The following FABP12 variants were observed in gnomAD, a reference collection of about 807,000 sequenced individuals.
FABP12 encodes the protein fatty acid-binding protein 12.
Under a neutral mutation model 13.7 loss-of-function variants are expected in FABP12, and 19 were observed. The observed-to-expected ratio is 1.39, with a 90% CI of 0.97 to 2.04. The LOEUF is 2.04. FABP12 is among the 30% of genes most tolerant of loss of function. The pLI is 0.00. For synonymous variants in FABP12, 61 were observed against 57.0 expected, an observed-to-expected ratio of 1.07 and a Z score of -0.32; for missense variants, 182 against 164.2, an observed-to-expected ratio of 1.11 and a Z score of -0.59.
At chr8:81,544,266 C>T (rs571564234) in intron 1 of FABP12, among the ~76,000 whole-genome samples, 8 of 152,178 alleles carry the variant, frequency 5.3e-5, no homozygotes, top group Non-Finnish European at 1.0e-4. Flanking sequence ...GGAGGGTACT[C>T]TAGACGTTCT....
intron 1 of FABP12, among the ~76,000 whole-genome samples, chr8:81,544,058 T>G (rs947227429): frequency 1.3e-5 from 2 of 152,158 alleles, no homozygotes; most frequent in Non-Finnish European, 2.9e-5. Flanking sequence ...AGTAGGTAAG[T>G]TCACTCTAGG....
chr8:81,564,922 A>T (rs1809789323), intron 1 of FABP12, among the ~76,000 whole-genome samples: 1 of 152,024 alleles, frequency 6.6e-6, no homozygotes, highest in Non-Finnish European at 1.5e-5. Context: ...GGACCCAATG[A>T]TCTATTGCCT....
chr8:81,579,550 G>C (rs1254207968), intron 1 of FABP12, among the ~76,000 whole-genome samples: 1 of 152,072 alleles, frequency 6.6e-6, no homozygotes, highest in Admixed American at 6.6e-5. Context: ...TGTCATTTTG[G>C]TGCAATTAAT....
intron 1 of FABP12, among the ~76,000 whole-genome samples, chr8:81,567,329 C>T (rs2130061824): frequency 6.6e-6 from 1 of 152,192 alleles, no homozygotes; most frequent in South Asian, 2.1e-4. Context: ...TATATGGAAC[C>T]ATAAAAGACT....
chr8:81,569,668 C>A (rs150224579), intron 1 of FABP12, among the ~76,000 whole-genome samples: 154 of 152,330 alleles, frequency 1.0e-3, no homozygotes, highest in African/African-American at 3.7e-3. Context: ...TAAACTATGA[C>A]AGCCCCCTCA....
intron 3 of FABP12, among the ~76,000 whole-genome samples, chr8:81,528,469 T>C (rs1048132872): frequency 2.0e-5 from 3 of 152,208 alleles, no homozygotes; most frequent in African/African-American, 7.2e-5. Context: ...TTTTATATGG[T>C]ACAAGAATTT....
intron 1 of FABP12, among the ~76,000 whole-genome samples, chr8:81,546,332 A>AT (rs1803931601): frequency 6.6e-6 from 1 of 152,142 alleles, no homozygotes; most frequent in Admixed American, 6.5e-5. Context: ...CTGCCTTTTC[A>AT]TTATAGGAAT....
chr8:81,559,372 T>C (rs574320941), intron 1 of FABP12, among the ~76,000 whole-genome samples: 1 of 152,318 alleles, frequency 6.6e-6, no homozygotes, highest in African/African-American at 2.4e-5. Context: ...TTAACAGTGG[T>C]GCCTTGGAAA....
chr8:81,532,642 G>A (rs1809103783), intron 1 of FABP12, among the ~76,000 whole-genome samples: 1 of 152,190 alleles, frequency 6.6e-6, no homozygotes, highest in Non-Finnish European at 1.5e-5. Flanking sequence ...CCAATATGGT[G>A]AAACCCTGTC....
At chr8:81,543,462 A>G (rs1247559077) in intron 1 of FABP12, among the ~76,000 whole-genome samples, 2 of 152,234 alleles carry the variant, frequency 1.3e-5, no homozygotes, top group Non-Finnish European at 2.9e-5. Context: ...CAAAGTGAAG[A>G]TGATGAGCAA....
chr8:81,530,037 G>A (rs535014123), intron 2 of FABP12, among the ~76,000 whole-genome samples: 33 of 152,120 alleles, frequency 2.2e-4, no homozygotes, highest in Admixed American at 3.9e-4. Context: ...CTCTTCACTT[G>A]TATTCTTACA....
At chr8:81,527,605 G>T (rs1808940455) in intron 3 of FABP12, among the ~76,000 whole-genome samples, 1 of 152,082 alleles carries the variant, frequency 6.6e-6, no homozygotes, top group Non-Finnish European at 1.5e-5. Flanking sequence ...CTTGTGATCT[G>T]CCCACATTGG....
At chr8:81,528,624 C>T (rs1465834864) in intron 3 of FABP12, among the ~76,000 whole-genome samples, 1 of 152,074 alleles carries the variant, frequency 6.6e-6, no homozygotes, top group Non-Finnish European at 1.5e-5. Context: ...CATGACCAAG[C>T]ACGGGGTTCT....
upstream of FABP12, among the ~76,000 whole-genome samples, chr8:81,535,200 A>G (rs369999199): frequency 2.6e-5 from 4 of 152,308 alleles, no homozygotes; most frequent in Non-Finnish European, 1.5e-5. Flanking sequence ...AGACTCATGA[A>G]TTAAATGGTG....
intron 1 of FABP12, among the ~76,000 whole-genome samples, chr8:81,559,127 C>A (rs1274971582): frequency 1.3e-5 from 2 of 152,150 alleles, no homozygotes; most frequent in Admixed American, 1.3e-4. Flanking sequence ...AGTCTTATCC[C>A]AAATTTCACC....
intron 1 of FABP12, among the ~76,000 whole-genome samples, chr8:81,564,599 T>C (rs997875621): frequency 2.0e-5 from 3 of 152,122 alleles, no homozygotes; most frequent in African/African-American, 4.8e-5. Flanking sequence ...GTTTATGCAA[T>C]TGGCCCTAAG....
chr8:81,537,720 G>A (rs1404017035), upstream of FABP12, among the ~76,000 whole-genome samples: 1 of 152,144 alleles, frequency 6.6e-6, no homozygotes, highest in Non-Finnish European at 1.5e-5. Context: ...ATGAGGCTCA[G>A]GGTGTTTCTG....
At chr8:81,567,979 C>T (rs1038391668) in intron 1 of FABP12, among the ~76,000 whole-genome samples, 2 of 151,990 alleles carry the variant, frequency 1.3e-5, no homozygotes, top group East Asian at 1.9e-4. Context: ...AAAAATTAGC[C>T]GGGCGCGGTG....
At chr8:81,537,555 G>T (rs2129976513), upstream of FABP12, among the ~76,000 whole-genome samples, 1 of 152,238 alleles carries the variant, frequency 6.6e-6, no homozygotes, top group East Asian at 1.9e-4. Flanking sequence ...AAGTTCACTA[G>T]AAAAATTTAA....
Sources: gnomAD v4.1 joint callset for allele counts (sites outside exome capture counted in the v4.1 genomes callset) on GRCh38, gnomAD v4.1.1 for gene constraint, MANE v1.5 for transcripts, NCBI Gene and HGNC (gene_info 2026-07-23, HGNC 2026-07-21) for gene names.